The following MACROD1 variants were observed in gnomAD, a reference collection of about 807,000 sequenced individuals.
The protein encoded by MACROD1 is mono-ADP ribosylhydrolase 1.
In MACROD1, 31 loss-of-function variants were observed where a neutral mutation model predicts 41.4. The ratio of observed to expected loss-of-function variants is 0.75; its 90% CI spans 0.56 to 1.01. The LOEUF (loss-of-function observed/expected upper bound fraction) is 1.01. Ranked by LOEUF, MACROD1 falls within the 50% of genes least tolerant of loss-of-function variation. The probability of loss-of-function intolerance (pLI) is 0.00; values close to 1 mark genes in which losing one functional copy is unlikely to be tolerated. For synonymous variants in MACROD1, 252 were observed against 203.4 expected (o/e 1.24, Z -2.03); for missense variants, 473 against 460.0 (o/e 1.03, Z -0.26).
At chr11:64,156,745 A>T (rs1262184442) in intron 1 of MACROD1, among the ~76,000 whole-genome samples, 1 of 152,122 alleles carries the variant, frequency 6.6e-6, no homozygotes, top group Non-Finnish European at 1.5e-5. Context: ...CACTTCCCAG[A>T]GACAGCATGC....
chr11:64,021,451 G>A (rs1057193640), intron 3 of MACROD1, among the ~76,000 whole-genome samples: 5 of 152,220 alleles, frequency 3.3e-5, no homozygotes, highest in Admixed American at 6.5e-5. Context: ...TGGGGGCCGG[G>A]ACATCAGAGG....
At chr11:64,002,263 C>T (rs1280248449) in intron 4 of MACROD1, among the ~76,000 whole-genome samples, 2 of 152,202 alleles carry the variant, frequency 1.3e-5, no homozygotes, top group African/African-American at 4.8e-5. Context: ...CACCGCCCTG[C>T]AGGCGACCTC....
chr11:64,131,347 T>C (rs1945262718), intron 3 of MACROD1, among the ~76,000 whole-genome samples: 1 of 148,356 alleles, frequency 6.7e-6, no homozygotes, highest in Non-Finnish European at 1.5e-5. Flanking sequence ...GACGTTTTCT[T>C]TTTTTTGATG....
chr11:64,121,357 C>T (rs1316317799), intron 3 of MACROD1, among the ~76,000 whole-genome samples: 2 of 152,224 alleles, frequency 1.3e-5, no homozygotes, highest in Non-Finnish European at 2.9e-5. Context: ...CACCCACTGG[C>T]GCTCTAAGTG....
At chr11:63,999,609 G>A in intron 6 of MACROD1, 33 bp downstream of exon 6, 1 of 1,609,244 alleles carries the variant, frequency 6.2e-7, no homozygotes, top group Non-Finnish European at 8.5e-7. Flanking sequence ...ACTGCGCCCC[G>A]CCTCCCGCCC....
chr11:64,077,929 C>T (rs1379526745), intron 3 of MACROD1, among the ~76,000 whole-genome samples: 2 of 152,350 alleles, frequency 1.3e-5, no homozygotes, highest in East Asian at 1.9e-4. Flanking sequence ...CTGTGGCCTG[C>T]AGCCAGCTAA....
chr11:64,097,630 A>G (rs1944600810), intron 3 of MACROD1, among the ~76,000 whole-genome samples: 1 of 152,240 alleles, frequency 6.6e-6, no homozygotes, highest in Non-Finnish European at 1.5e-5. Context: ...TGGTTTAATT[A>G]GCAGAGCGGA....
chr11:64,105,427 T>C (rs1019540698), intron 3 of MACROD1, among the ~76,000 whole-genome samples: 1 of 152,216 alleles, frequency 6.6e-6, no homozygotes, highest in Non-Finnish European at 1.5e-5. Context: ...GGTTGGGGCC[T>C]GGCCCTCTGG....
intron 3 of MACROD1, among the ~76,000 whole-genome samples, chr11:64,135,891 C>T (rs1945324886): frequency 6.6e-6 from 1 of 152,196 alleles, no homozygotes; most frequent in South Asian, 2.1e-4. Context: ...TGCCCTCTCT[C>T]CCCTTCCCCC....
At chr11:64,030,929 T>C (rs1385002292) in intron 3 of MACROD1, among the ~76,000 whole-genome samples, 1 of 145,790 alleles carries the variant, frequency 6.9e-6, no homozygotes, top group African/African-American at 2.5e-5. Context: ...GATGTGGGGG[T>C]TAGGGAGGCC....
At chr11:64,100,571 C>A (rs577685206) in intron 3 of MACROD1, among the ~76,000 whole-genome samples, 4 of 152,146 alleles carry the variant, frequency 2.6e-5, no homozygotes, top group Non-Finnish European at 5.9e-5. Flanking sequence ...GTGGCTCTGG[C>A]GGGAGGTGTC....
chr11:64,053,034 A>C lies in MACROD1; in HGVS notation c.518-37753T>G, dbSNP rs201105334. Reference sequence around the variant, plus strand: ...GCTTACACCCCGGGCTCTCAACTGCAGCCAAACAGTGCGCTGCAGCCTCCG... The same window carrying C: ...GCTTACACCCCGGGCTCTCAACTGCCGCCAAACAGTGCGCTGCAGCCTCCG... On this transcript the variant is annotated intron_variant, in intron 3 of 10. Transcript: ENST00000255681. 3.5e-3 allele frequency among the ~76,000 whole-genome samples: 534 copies of C among 152,312 alleles called. 6 individuals carry two copies. Among genetic ancestry groups the C allele is most frequent in the African/African-American group, 0.013 (520 of 41,564 alleles).
chr11:64,089,025 CAA>C lies in MACROD1; in HGVS notation c.517+62212_517+62213del, dbSNP rs370036248. Among the ~76,000 whole-genome samples the C allele has an allele frequency of 7.5e-3, 1,140 of 152,300 alleles. 17 individuals are homozygous for C. The highest frequency in any genetic ancestry group is 0.026 in the African/African-American group (1,070 of 41,568). On this transcript the variant is annotated intron_variant, in intron 3 of 10. Coordinates refer to ENST00000255681, the MANE Select transcript of MACROD1 (RefSeq NM_014067.4). ...CCGAAGCCACTGGGAGGGCCACTGA[CAA>C]GAGAGGGAAGCCTCAGGAACTCGTG... is the stretch of plus-strand genomic sequence containing the variant.
rs778172948 is a variant in MACROD1 at position 64,165,899 on chromosome 11, C to A, written c.96G>T (p.Ala32=). 3.5e-5 allele frequency: 48 copies of A among 1,375,306 alleles called. No individual in the cohort carries two copies. Among genetic ancestry groups the A allele is most frequent in the Non-Finnish European group, 3.8e-5 (41 of 1,069,668 alleles). 85.2% of individuals were successfully genotyped at this position (1,375,306 alleles called of 1,614,324 possible). ...TGCTGCTGCGGGTCCTCGTGGCACC[C>A]GCCAAGTGTCCGGGCCGGGGGCGCG... ...VPPRPRPGHL[A]GATRTRSSTC... The change falls in exon 1 of 11, where the codon GCG becomes GCT. Residue 32 remains alanine (A), a synonymous_variant. Coordinates refer to ENST00000255681, the MANE Select transcript of MACROD1 (RefSeq NM_014067.4).
chr11:64,012,405 C>CTTT (rs33975069), intron 4 of MACROD1, among the ~76,000 whole-genome samples: 53 of 146,448 alleles, frequency 3.6e-4, no homozygotes, highest in Middle Eastern at 3.5e-3. Flanking sequence ...ATTCAATAAA[C>CTTT]TTTTTTTTTT....
rs149201406 is a variant in MACROD1, at chr11:64,115,977, C to T, written c.517+35262G>A. ...AGCACGGGTCTCATTAATGCGCAGC[C>T]TCTTGGCTCCTGATAAGATTTAACA... On this transcript the variant is annotated intron_variant, in intron 3 of 10. Coordinates refer to ENST00000255681, the MANE Select transcript of MACROD1 (RefSeq NM_014067.4). 2.7e-3 allele frequency among the ~76,000 whole-genome samples: 414 copies of T among 152,350 alleles called. 2 individuals carry two copies. The highest frequency in any genetic ancestry group is 9.3e-3 in the African/African-American group (385 of 41,588).
intron 3 of MACROD1, among the ~76,000 whole-genome samples, chr11:64,125,857 C>T (rs1030278642): frequency 1.3e-5 from 2 of 152,224 alleles, no homozygotes; most frequent in Non-Finnish European, 2.9e-5. Flanking sequence ...CTGCTGCCCC[C>T]GCAGAATCCC....
At chr11:64,163,417 T>G (rs1945787117) in intron 1 of MACROD1, among the ~76,000 whole-genome samples, 1 of 152,240 alleles carries the variant, frequency 6.6e-6, no homozygotes. Context: ...CTGACTCGAT[T>G]CTGACCCCTA....
At chr11:64,000,175 C>T in intron 5 of MACROD1, 52 bp downstream of exon 5, 1 of 1,460,954 alleles carries the variant, frequency 6.8e-7, no homozygotes, top group Non-Finnish European at 9.5e-7. Flanking sequence ...GTCCCAGTGA[C>T]ACACGGGCGC....
Sources: allele counts gnomAD v4.1 joint callset (sites outside exome capture counted in the v4.1 genomes callset), GRCh38; gene constraint gnomAD v4.1.1; transcripts MANE v1.5; gene names NCBI Gene and HGNC (gene_info 2026-07-23, HGNC 2026-07-21).